Variants in RAB11FIP2 observed in about 807,000 individuals in gnomAD.
The protein encoded by RAB11FIP2 is rab11 family-interacting protein 2.
Under a neutral mutation model 40.9 loss-of-function variants are expected in RAB11FIP2, and 16 were observed. The observed-to-expected ratio is 0.39, with a 90% CI of 0.26 to 0.59. The LOEUF (loss-of-function observed/expected upper bound fraction) is 0.59. Among genes scored for constraint, RAB11FIP2 ranks in the 20% least tolerant of loss-of-function variants. RAB11FIP2 has a pLI of 0.53. For missense variants in RAB11FIP2, 532 were observed against 606.2 expected (o/e 0.88, Z 1.28); for synonymous variants, 228 against 213.7 (o/e 1.07, Z -0.58).
At position 118,004,956 on chromosome 10, in the gene RAB11FIP2, T is replaced by C. The variant is rs1437370649; in HGVS notation, c.*4042A>G. 6.6e-6 allele frequency: 1 copy of C among 152,648 alleles called. No homozygotes were observed. The highest frequency in any genetic ancestry group is 1.5e-5 in the Non-Finnish European group (1 of 68,032). The allele number at this position is 152,648 out of a possible 1,614,324, so 9.5% of individuals were successfully genotyped here. A position where few individuals can be genotyped will look rare whatever the true frequency, so the allele number is the denominator to read the frequency against. The stretch of plus-strand genomic sequence containing the variant: ...TTAATCAACTATAAGTCAATAATCA[T>C]ATATTATATAAAAATTCTGATTCAT... On this transcript the variant is annotated 3_prime_UTR_variant, in exon 5 of 5. Coordinates refer to ENST00000355624, the MANE Select transcript of RAB11FIP2 (RefSeq NM_014904.3).
At position 118,015,127 on chromosome 10, in the gene RAB11FIP2, A is replaced by G; in HGVS notation, c.1266-17T>C. ...ATATGAAAACTAATAAAACACAAAC[A>G]AATGTTAAAAGTGTCATAACTCATG... On this transcript the variant is annotated splice_polypyrimidine_tract_variant and intron_variant, in intron 3 of 4. Transcript: ENST00000355624. The G allele has an allele frequency of 1.3e-6, 2 of 1,596,056 alleles. No individual in the cohort carries two copies. The highest frequency in any genetic ancestry group is 2.3e-5 in the South Asian group (2 of 88,368).
intron 3 of RAB11FIP2, among the ~76,000 whole-genome samples, chr10:118,033,259 T>TACTC (rs1291882658): frequency 1.7e-4 from 26 of 152,138 alleles, no homozygotes. Context: ...TTTCAGGGCC[T>TACTC]ACTCACTAAA....
At chr10:118,041,243 T>C (rs774406441) in intron 1 of RAB11FIP2, among the ~76,000 whole-genome samples, 142 of 152,028 alleles carry the variant, frequency 9.3e-4, no homozygotes, top group Non-Finnish European at 1.6e-3. Context: ...CTTGTGAAGT[T>C]TTCAAAAGGA....
chr10:118,009,159 G>A lies in RAB11FIP2; in HGVS notation c.1378C>T (p.Leu460=), dbSNP rs756141948. The change falls in exon 5 of 5, where the codon CTG becomes TTG. Residue 460 remains leucine, a synonymous_variant. Transcript: ENST00000355624. The part of the protein sequence containing the change: ...SLTYEEVLQE[L]VKHKELLRRK... The stretch of plus-strand genomic sequence containing the variant: ...CTAAGGAGTTCTTTGTGTTTCACCA[G>A]CTCCTGTAGAACCTCTTCATAGGTC... 1.9e-6 allele frequency: 3 copies of A among 1,613,466 alleles called. No individual in the cohort carries two copies. The highest frequency in any genetic ancestry group is 1.1e-5 in the South Asian group (1 of 91,082).
chr10:118,043,525 T>TC (rs1846588902), intron 1 of RAB11FIP2: 1 of 152,142 alleles, frequency 6.6e-6, no homozygotes, highest in African/African-American at 2.4e-5. Context: ...AGACCCTTTT[T>TC]CCCCATTCCT....
chr10:118,036,392 G>A (rs932279205), intron 3 of RAB11FIP2, among the ~76,000 whole-genome samples: 7 of 152,046 alleles, frequency 4.6e-5, no homozygotes, highest in East Asian at 1.9e-4. Context: ...AAGTGCATTC[G>A]GTTAGGATGT....
chr10:118,034,492 A>C (rs1846457431), intron 3 of RAB11FIP2, among the ~76,000 whole-genome samples: 1 of 152,190 alleles, frequency 6.6e-6, no homozygotes, highest in Non-Finnish European at 1.5e-5. Flanking sequence ...AATATATTAA[A>C]AGATAATTTG....
intron 3 of RAB11FIP2, among the ~76,000 whole-genome samples, chr10:118,021,037 AATG>A (rs1168678884): frequency 1.3e-5 from 2 of 151,940 alleles, no homozygotes; most frequent in African/African-American, 2.4e-5. Flanking sequence ...TTACTTTGTA[AATG>A]ATAATTCACT....
intron 3 of RAB11FIP2, among the ~76,000 whole-genome samples, chr10:118,033,157 T>G (rs1333365520): frequency 6.6e-6 from 1 of 152,076 alleles, no homozygotes; most frequent in South Asian, 2.1e-4. Context: ...TGTATCCCCA[T>G]AGAGTAGGAG....
intron 4 of RAB11FIP2, among the ~76,000 whole-genome samples, chr10:118,012,395 T>C (rs2928124): frequency 0.97 from 147,729 of 151,970 alleles, 71,945 homozygotes; most frequent in East Asian, 1. Context: ...GTACTATGAA[T>C]TATATTCTGG....
At chr10:118,023,152 C>T (rs1344816146) in intron 3 of RAB11FIP2, among the ~76,000 whole-genome samples, 1 of 152,138 alleles carries the variant, frequency 6.6e-6, no homozygotes, top group Non-Finnish European at 1.5e-5. Flanking sequence ...AGGTATTTGA[C>T]ACAATACAGA....
intron 1 of RAB11FIP2, 47 bp downstream of exon 1, chr10:118,045,764 A>C: frequency 7.0e-7 from 1 of 1,430,654 alleles, no homozygotes; most frequent in East Asian, 2.3e-5. Flanking sequence ...AAAAACCATA[A>C]ATAAGATATA....
intron 3 of RAB11FIP2, among the ~76,000 whole-genome samples, chr10:118,019,234 C>T (rs1002376628): frequency 3.3e-5 from 5 of 151,976 alleles, no homozygotes; most frequent in Non-Finnish European, 1.5e-5. Flanking sequence ...CTTTCCAAAC[C>T]CCACTACTGC....
chr10:118,009,111 C>T lies in RAB11FIP2; in HGVS notation c.1426G>A (p.Glu476Lys). 1 of 1,613,618 alleles carries T rather than the reference C, an allele frequency of 6.2e-7. No individual in the cohort carries two copies. Among genetic ancestry groups the T allele is most frequent in the Non-Finnish European group, 8.5e-7 (1 of 1,179,616 alleles). The change falls in exon 5 of 5, where the codon GAA becomes AAA. Residue 476 changes from glutamate to lysine, a missense_variant. Transcript: ENST00000355624. ...AGGTTGTCGATGTAGTCCTCGAGTT[C>T]CCGGATGTGGGTGTCTTTCCTCCTA... is the stretch of plus-strand genomic sequence containing the variant. ...LLRRKDTHIRELEDYIDNLLV... is the reference protein window; with the variant it reads ...LLRRKDTHIRKLEDYIDNLLV...
At chr10:118,024,120 A>G (rs527656346) in intron 3 of RAB11FIP2, among the ~76,000 whole-genome samples, 65 of 151,974 alleles carry the variant, frequency 4.3e-4, no homozygotes, top group African/African-American at 1.5e-3. Context: ...TAGAATAGAA[A>G]TAATTATTTC....
At chr10:118,038,176 C>T (rs1040426009) in intron 3 of RAB11FIP2, among the ~76,000 whole-genome samples, 12 of 151,690 alleles carry the variant, frequency 7.9e-5, no homozygotes, top group East Asian at 1.9e-4. Flanking sequence ...GCTATTTCAT[C>T]GTTTACTTCT....
chr10:118,044,846 T>C (rs1249666048), intron 1 of RAB11FIP2, among the ~76,000 whole-genome samples: 5 of 152,152 alleles, frequency 3.3e-5, no homozygotes, highest in Non-Finnish European at 4.4e-5. Context: ...ACCAACACTA[T>C]TTTGGAAATG....
chr10:118,011,580 C>T (rs1846156451), intron 4 of RAB11FIP2, among the ~76,000 whole-genome samples: 1 of 152,022 alleles, frequency 6.6e-6, no homozygotes, highest in Non-Finnish European at 1.5e-5. Context: ...GCTAAAGTGT[C>T]TTACTTCAAC....
intron 3 of RAB11FIP2, among the ~76,000 whole-genome samples, chr10:118,031,254 A>G (rs1353011419): frequency 5.9e-5 from 9 of 152,266 alleles, no homozygotes; most frequent in African/African-American, 1.9e-4. Flanking sequence ...TCAGGAAAAA[A>G]AAGTCCATTG....
Sources: gnomAD v4.1 joint callset for allele counts (sites outside exome capture counted in the v4.1 genomes callset) on GRCh38, gnomAD v4.1.1 for gene constraint, MANE v1.5 for transcripts, NCBI Gene and HGNC (gene_info 2026-07-23, HGNC 2026-07-21) for gene names.